Variants in STK39 observed in about 807,000 individuals in gnomAD.
STK39 encodes STE20/SPS1-related proline-alanine-rich protein kinase.
A neutral mutation model predicts 77.8 loss-of-function variants in STK39; 20 were observed. The ratio of observed to expected loss-of-function variants is 0.26; its 90% confidence interval spans 0.18 to 0.37. STK39 has a LOEUF of 0.37. STK39 is among the 10% of genes least tolerant of loss of function. The pLI, the probability that STK39 is intolerant of heterozygous loss-of-function variation, is 1.00. For synonymous variants in STK39, 246 were observed against 234.1 expected (o/e 1.05, Z -0.47); for missense variants, 479 against 656.5 (o/e 0.73, Z 2.95).
intron 5 of STK39, among the ~76,000 whole-genome samples, chr2:168,141,406 T>C (rs910361260): frequency 6.6e-6 from 1 of 152,160 alleles, no homozygotes; most frequent in Non-Finnish European, 1.5e-5. Flanking sequence ...CACCTCACAT[T>C]CAAAAAGTTT....
chr2:168,161,245 G>A (rs1296097976), intron 5 of STK39, among the ~76,000 whole-genome samples: 2 of 152,168 alleles, frequency 1.3e-5, no homozygotes, highest in African/African-American at 2.4e-5. Context: ...TAGAGGCTTT[G>A]AACACGAAAG....
intron 5 of STK39, among the ~76,000 whole-genome samples, chr2:168,141,264 C>T (rs767092370): frequency 8.5e-5 from 13 of 152,128 alleles, no homozygotes; most frequent in Non-Finnish European, 1.8e-4. Context: ...GAAATGCTTG[C>T]GACCAGAAAT....
At chr2:168,173,452 C>A (rs1279383290) in intron 2 of STK39, among the ~76,000 whole-genome samples, 6 of 152,120 alleles carry the variant, frequency 3.9e-5, no homozygotes, top group Non-Finnish European at 2.9e-5. Flanking sequence ...TCAACCAAGG[C>A]ATGGAAGAAC....
chr2:167,970,832 C>A (rs545512247), intron 16 of STK39, among the ~76,000 whole-genome samples: 1 of 152,208 alleles, frequency 6.6e-6, no homozygotes, highest in Non-Finnish European at 1.5e-5. Flanking sequence ...TGAGCTGTAG[C>A]CAATCCAGTT....
rs571309687 is a variant in STK39, at chr2:168,247,544, C to CCCGCCG, written c.-115_-110dup. 0.012 allele frequency: 5,683 copies of CCCGCCG among 478,198 alleles called. 166 individuals are homozygous for CCCGCCG. Among genetic ancestry groups the CCCGCCG allele is most frequent in the African/African-American group, 0.049 (2,346 of 47,690 alleles). 29.6% of individuals were successfully genotyped at this position (478,198 alleles called of 1,614,324 possible). ...TCTCGGCCGGCGCACGCCCTCCCCG[C>CCCGCCG]CCGCCGCCGCCGCCGCCGTCCCCGC... On this transcript the variant is annotated 5_prime_UTR_variant, in exon 1 of 18. Coordinates refer to ENST00000355999, the MANE Select transcript of STK39 (RefSeq NM_013233.3).
chr2:168,148,400 C>G (rs1189609857), intron 5 of STK39, among the ~76,000 whole-genome samples: 2 of 152,156 alleles, frequency 1.3e-5, no homozygotes, highest in African/African-American at 2.4e-5. Context: ...CCCTGCAATC[C>G]AAAGCAGGAG....
chr2:168,245,084 G>C (rs1690863828), intron 1 of STK39, among the ~76,000 whole-genome samples: 1 of 152,144 alleles, frequency 6.6e-6, no homozygotes, highest in African/African-American at 2.4e-5. Context: ...CAATCCTATG[G>C]ACTCTATGGA....
chr2:168,007,881 A>T (rs1049766823), intron 16 of STK39, among the ~76,000 whole-genome samples: 1 of 152,204 alleles, frequency 6.6e-6, no homozygotes, highest in Non-Finnish European at 1.5e-5. Context: ...GCTTACTTTT[A>T]AAAAATCGAA....
intron 14 of STK39, among the ~76,000 whole-genome samples, chr2:168,028,368 G>A (rs1052124862): frequency 1.3e-5 from 2 of 152,198 alleles, no homozygotes; most frequent in African/African-American, 2.4e-5. Context: ...TAGTAAATCA[G>A]GAGAGAACAG....
chr2:167,962,860 TCTGTGTGATCG>T lies in STK39; in HGVS notation c.1563+1791_1563+1801del, dbSNP rs1051593343. Reference sequence around the variant, plus strand: ...GAGTCTGCAGCTTCCAGACTCAGGATCTGTGTGATCGCTGTGTGATCCTGGGCAAATCCACC... The same window carrying T: ...GAGTCTGCAGCTTCCAGACTCAGGATCTGTGTGATCCTGGGCAAATCCACC... On this transcript the variant is annotated intron_variant, in intron 17 of 17. Coordinates refer to ENST00000355999, the MANE Select transcript of STK39 (RefSeq NM_013233.3). Among the ~76,000 whole-genome samples, 3 of 152,204 alleles carry T rather than the reference TCTGTGTGATCG, an allele frequency of 2.0e-5. No individual in the cohort carries two copies. The East Asian group carries it at 5.8e-4, about 29-fold the overall frequency.
chr2:167,992,341 A>G (rs987774769), intron 16 of STK39, among the ~76,000 whole-genome samples: 17 of 151,952 alleles, frequency 1.1e-4, no homozygotes, highest in Non-Finnish European at 1.9e-4. Context: ...CAACAACAAC[A>G]AAAAAACCAT....
chr2:168,103,009 C>T (rs1686876508), intron 10 of STK39, among the ~76,000 whole-genome samples: 1 of 150,166 alleles, frequency 6.7e-6, no homozygotes, highest in African/African-American at 2.4e-5. Flanking sequence ...ACTATTTGGA[C>T]TCCTTCTGTG....
chr2:168,140,933 A>G (rs1308714703), intron 5 of STK39, among the ~76,000 whole-genome samples, 175 bp from the exon 6 acceptor site: 1 of 152,112 alleles, frequency 6.6e-6, no homozygotes, highest in African/African-American at 2.4e-5. Flanking sequence ...GCTATCCCCT[A>G]CACCTTGGAG....
chr2:168,080,424 CTG>C (rs1574448581), intron 10 of STK39, among the ~76,000 whole-genome samples: 1 of 152,026 alleles, frequency 6.6e-6, no homozygotes, highest in African/African-American at 2.4e-5. Flanking sequence ...GGTCAGGAGA[CTG>C]AGACCATCCT....
chr2:168,059,653 A>C (rs964908229), intron 14 of STK39, among the ~76,000 whole-genome samples: 1 of 152,210 alleles, frequency 6.6e-6, no homozygotes, highest in African/African-American at 2.4e-5. Context: ...GACACTGAGC[A>C]GACTATCCCA....
rs1430284975 is a variant in STK39, at chr2:168,217,380, ACT to A, written c.208+29846_208+29847del. 3.3e-5 allele frequency among the ~76,000 whole-genome samples: 5 copies of A among 152,154 alleles called. 1 individual carries two copies. Among genetic ancestry groups the A allele is most frequent in the Admixed American group, 1.3e-4 (2 of 15,282 alleles). ...AGTATCCGGATGCAGGACGGGGAAT[ACT>A]CTGTTTCTTTATCGTAACCTTTATT... On this transcript the variant is annotated intron_variant, in intron 1 of 17. Transcript: ENST00000355999.
intron 1 of STK39, among the ~76,000 whole-genome samples, chr2:168,221,458 G>A (rs927915821): frequency 2.0e-5 from 3 of 152,164 alleles, no homozygotes; most frequent in African/African-American, 7.2e-5. Context: ...AAATGGCAAA[G>A]TTGTATGAAA....
chr2:168,174,843 A>G (rs890565748), intron 2 of STK39, among the ~76,000 whole-genome samples: 1 of 151,572 alleles, frequency 6.6e-6, no homozygotes, highest in Non-Finnish European at 1.5e-5. Flanking sequence ...AAAAAAAAAA[A>G]AAAAAAAAAC....
chr2:167,988,528 T>A (rs2105278596), intron 16 of STK39, among the ~76,000 whole-genome samples: 2 of 152,274 alleles, frequency 1.3e-5, no homozygotes, highest in Middle Eastern at 3.4e-3. Flanking sequence ...TGGTCCCAGT[T>A]AAAGCTGTAG....
Sources: gnomAD v4.1 joint callset for allele counts (sites outside exome capture counted in the v4.1 genomes callset) on GRCh38, gnomAD v4.1.1 for gene constraint, MANE v1.5 for transcripts, NCBI Gene and HGNC (gene_info 2026-07-23, HGNC 2026-07-21) for gene names.